Variants in ITGB3 observed in about 807,000 individuals in gnomAD.
The protein encoded by ITGB3 is integrin subunit beta 3.
Under a neutral mutation model 85.8 loss-of-function variants are expected in ITGB3, and 48 were observed. The ratio of observed to expected loss-of-function variants is 0.56; its 90% confidence interval spans 0.44 to 0.71. The LOEUF is 0.71. Among genes scored for constraint, ITGB3 ranks in the 30% least tolerant of loss-of-function variants. The probability of loss-of-function intolerance (pLI) is 0.00; values close to 1 mark genes in which losing one functional copy is unlikely to be tolerated. For missense variants in ITGB3, 861 were observed against 1,019.1 expected (o/e 0.84, Z 2.11); for synonymous variants, 363 against 395.6 (o/e 0.92, Z 0.98).
chr17:47,288,825 G>GAT (rs1414292886), intron 6 of ITGB3, among the ~76,000 whole-genome samples: 3 of 152,166 alleles, frequency 2.0e-5, no homozygotes, highest in African/African-American at 4.8e-5. Context: ...GAGGAGAAAG[G>GAT]ATATATATAT....
intron 4 of ITGB3, among the ~76,000 whole-genome samples, chr17:47,285,697 T>TCTGGGTTGTAAGGTTCC (rs2065100058): frequency 6.6e-6 from 1 of 152,186 alleles, no homozygotes; most frequent in Admixed American, 6.6e-5. Context: ...AGGCAAGACA[T>TCTGGGTTGTAAGGTTCC]CAGCTATTAA....
In ITGB3 at chr17:47,307,530, C is replaced by T. The variant is rs1222983127; in HGVS notation, c.2194C>T (p.Leu732Phe). The T allele has an allele frequency of 1.2e-6, 2 of 1,614,032 alleles. No individual in the cohort carries two copies. Among genetic ancestry groups the T allele is most frequent in the East Asian group, 4.5e-5 (2 of 44,886 alleles). ...GCTCTCAGTGATGGGGGCCATTCTG[C>T]TCATTGGCCTTGCCGCCCTGCTCAT... The part of the protein sequence containing the change: ...VLLSVMGAIL[L>F]IGLAALLIWK... The change falls in exon 14 of 15, where the codon CTC becomes TTC. Residue 732 changes from leucine (L) to phenylalanine (F), a missense_variant. Physicochemically the swap from Leu to Phe is conservative, Grantham distance 22. Coordinates refer to ENST00000559488, the MANE Select transcript of ITGB3 (RefSeq NM_000212.3).
At chr17:47,266,362 T>C (rs375473883) in intron 1 of ITGB3, among the ~76,000 whole-genome samples, 1 of 152,208 alleles carries the variant, frequency 6.6e-6, no homozygotes, top group East Asian at 1.9e-4. Flanking sequence ...CAGCATCCTG[T>C]CTCACTGGAC....
At chr17:47,262,387 T>G (rs558683868) in intron 1 of ITGB3, among the ~76,000 whole-genome samples, 1 of 152,272 alleles carries the variant, frequency 6.6e-6, no homozygotes, top group South Asian at 2.1e-4. Context: ...TCGATGCTAA[T>G]AAAAATTTCC....
At chr17:47,257,212 T>A (rs1401173623) in intron 1 of ITGB3, among the ~76,000 whole-genome samples, 1 of 152,268 alleles carries the variant, frequency 6.6e-6, no homozygotes, top group East Asian at 1.9e-4. Flanking sequence ...GCATATGCGC[T>A]ATGCAGGCTT....
At chr17:47,291,465 A>G (rs2065125357) in intron 9 of ITGB3, 3 of 446,080 alleles carry the variant, frequency 6.7e-6, no homozygotes, top group Non-Finnish European at 7.9e-6. Context: ...GACACAAGAA[A>G]GTAAAATCTA....
chr17:47,254,692 A>G (rs2064981859), intron 1 of ITGB3, among the ~76,000 whole-genome samples: 1 of 152,056 alleles, frequency 6.6e-6, no homozygotes, highest in Non-Finnish European at 1.5e-5. Flanking sequence ...GCTGCTGCGC[A>G]CACCGTCAGC....
At chr17:47,298,575 A>AAGG (rs2065154540) in intron 10 of ITGB3, among the ~76,000 whole-genome samples, 2 of 152,082 alleles carry the variant, frequency 1.3e-5, no homozygotes, top group Non-Finnish European at 2.9e-5. Context: ...TCCCTATGCT[A>AAGG]CAATTTTCCT....
intron 1 of ITGB3, among the ~76,000 whole-genome samples, chr17:47,264,134 A>G (rs1411806108): frequency 1.3e-5 from 2 of 152,236 alleles, no homozygotes; most frequent in African/African-American, 4.8e-5. Context: ...AAGGCAGCAG[A>G]GCCCTGACTG....
At chr17:47,277,598 A>G (rs1175988825) in intron 2 of ITGB3, among the ~76,000 whole-genome samples, 1 of 152,242 alleles carries the variant, frequency 6.6e-6, no homozygotes, top group Non-Finnish European at 1.5e-5. Flanking sequence ...TAAAAAATAA[A>G]TCTAGATTAC....
chr17:47,275,865 T>A (rs1193588418), intron 2 of ITGB3, among the ~76,000 whole-genome samples: 1 of 152,132 alleles, frequency 6.6e-6, no homozygotes, highest in Non-Finnish European at 1.5e-5. Context: ...AAGGGGGGCA[T>A]GGATGAGACC....
intron 10 of ITGB3, among the ~76,000 whole-genome samples, chr17:47,295,704 G>T (rs1312431556): frequency 6.8e-6 from 1 of 146,630 alleles, no homozygotes; most frequent in Non-Finnish European, 1.5e-5. Context: ...GTGCTGCCAG[G>T]CCCCTGTGGT....
intron 1 of ITGB3, among the ~76,000 whole-genome samples, chr17:47,254,863 C>T (rs900880355): frequency 6.6e-6 from 1 of 152,200 alleles, no homozygotes; most frequent in Non-Finnish European, 1.5e-5. Flanking sequence ...GGGGCCGCCT[C>T]TGCCTCAGAG....
intron 13 of ITGB3, among the ~76,000 whole-genome samples, chr17:47,303,117 G>A (rs979704507): frequency 1.2e-4 from 19 of 152,134 alleles, no homozygotes; most frequent in African/African-American, 4.6e-4. Flanking sequence ...GGGCATGGTG[G>A]TGCATGCCTG....
intron 10 of ITGB3, among the ~76,000 whole-genome samples, chr17:47,298,463 G>C (rs1303016863): frequency 6.6e-6 from 1 of 152,130 alleles, no homozygotes; most frequent in Non-Finnish European, 1.5e-5. Flanking sequence ...CTGCCCCTTG[G>C]ATGCCCCACC....
chr17:47,260,668 T>C (rs2065005925), intron 1 of ITGB3, among the ~76,000 whole-genome samples: 1 of 152,128 alleles, frequency 6.6e-6, no homozygotes, highest in South Asian at 2.1e-4. Context: ...GCAAGGAGCA[T>C]GTTTGACCAA....
chr17:47,273,472 C>T (rs2065052464), intron 1 of ITGB3, among the ~76,000 whole-genome samples: 1 of 152,258 alleles, frequency 6.6e-6, no homozygotes, highest in Admixed American at 6.5e-5. Context: ...TGGCTTCTGT[C>T]TAAGCAGATG....
Position 47,286,307 on chromosome 17 carries a change from C to G in ITGB3, c.662C>G (p.Thr221Arg). 1 of 1,614,152 alleles carries G rather than the reference C, an allele frequency of 6.2e-7. No homozygotes were observed. Among genetic ancestry groups the G allele is most frequent in the Non-Finnish European group, 8.5e-7 (1 of 1,180,030 alleles). Residue 221 changes from threonine to arginine, a missense_variant, in exon 5 of 15, where the codon ACG becomes AGG. Transcript: ENST00000559488. ...LPMFGYKHVL[T>R]LTDQVTRFNE... Reference sequence around the variant, plus strand: ...ATGTTTGGCTACAAACACGTGCTGACGCTAACTGACCAGGTGACCCGCTTC... The same window carrying G: ...ATGTTTGGCTACAAACACGTGCTGAGGCTAACTGACCAGGTGACCCGCTTC...
chr17:47,290,161 G>A, intron 7 of ITGB3, 24 bp from the exon 8 acceptor site: 1 of 1,587,930 alleles, frequency 6.3e-7, no homozygotes, highest in Non-Finnish European at 8.6e-7. Flanking sequence ...GGTAAGCTCT[G>A]GACATCTTTG....
Sources: gnomAD v4.1 joint callset for allele counts (sites outside exome capture counted in the v4.1 genomes callset) on GRCh38, gnomAD v4.1.1 for gene constraint, MANE v1.5 for transcripts, NCBI Gene and HGNC (gene_info 2026-07-23, HGNC 2026-07-21) for gene names.